BMPER: variants seen among roughly 807,000 people sequenced by gnomAD.
BMPER encodes the protein BMP binding endothelial regulator.
A neutral mutation model predicts 87.3 loss-of-function variants in BMPER; 45 were observed. The ratio of observed to expected loss-of-function variants is 0.52; its 90% CI spans 0.41 to 0.66. BMPER has a LOEUF of 0.66. Ranked by LOEUF, BMPER falls within the 30% of genes least tolerant of loss-of-function variation. The pLI, the probability that BMPER is intolerant of heterozygous loss-of-function variation, is 0.00. For synonymous variants in BMPER, 326 were observed against 316.2 expected, an observed-to-expected ratio of 1.03 and a Z score of -0.33; for missense variants, 784 against 867.5, an observed-to-expected ratio of 0.90 and a Z score of 1.21.
At chr7:34,094,109 C>T (rs893516770) in intron 13 of BMPER, among the ~76,000 whole-genome samples, 5 of 152,172 alleles carry the variant, frequency 3.3e-5, no homozygotes, top group East Asian at 3.9e-4. Context: ...ACTGTCCACT[C>T]GGGTTTTCAA....
chr7:34,045,653 G>A (rs1033490763), intron 6 of BMPER, among the ~76,000 whole-genome samples: 2 of 152,154 alleles, frequency 1.3e-5, no homozygotes, highest in Non-Finnish European at 2.9e-5. Context: ...TTTGGATAGC[G>A]TGGTGAATTC....
chr7:34,115,065 G>A (rs558982653), intron 13 of BMPER, among the ~76,000 whole-genome samples: 1 of 152,328 alleles, frequency 6.6e-6, no homozygotes, highest in African/African-American at 2.4e-5. Context: ...ACTCAAGAGT[G>A]AATTAAGTGC....
intron 6 of BMPER, among the ~76,000 whole-genome samples, chr7:34,029,434 G>A (rs887825726): frequency 1.3e-5 from 2 of 152,040 alleles, no homozygotes; most frequent in Admixed American, 1.3e-4. Context: ...ATGGAGGAGA[G>A]GCAAAAGGAA....
intron 6 of BMPER, among the ~76,000 whole-genome samples, chr7:33,985,428 T>C (rs918727690): frequency 6.6e-6 from 1 of 152,244 alleles, no homozygotes; most frequent in African/African-American, 2.4e-5. Flanking sequence ...ATTAACATTT[T>C]CAGTTTTTAC....
chr7:33,965,952 T>G (rs1785396211), intron 3 of BMPER, among the ~76,000 whole-genome samples: 1 of 152,220 alleles, frequency 6.6e-6, no homozygotes, highest in South Asian at 2.1e-4. Flanking sequence ...TTATAGCTCT[T>G]AGAATTGGAG....
intron 14 of BMPER, among the ~76,000 whole-genome samples, chr7:34,147,592 T>C (rs1791063708): frequency 6.6e-6 from 1 of 152,264 alleles, no homozygotes; most frequent in Non-Finnish European, 1.5e-5. Flanking sequence ...TGCCTCAGCC[T>C]CCCTAGTAGC....
At chr7:34,138,801 G>A (rs1466441818) in intron 13 of BMPER, among the ~76,000 whole-genome samples, 1 of 152,096 alleles carries the variant, frequency 6.6e-6, no homozygotes, top group African/African-American at 2.4e-5. Context: ...GAGCACACTG[G>A]GCAGCCGTGT....
At chr7:34,130,054 C>A (rs932202519) in intron 13 of BMPER, among the ~76,000 whole-genome samples, 1 of 151,606 alleles carries the variant, frequency 6.6e-6, no homozygotes, top group Non-Finnish European at 1.5e-5. Context: ...GTTCTTGACC[C>A]CCTCCTCTCC....
At chr7:34,122,306 C>T (rs921768549) in intron 13 of BMPER, among the ~76,000 whole-genome samples, 2 of 152,174 alleles carry the variant, frequency 1.3e-5, no homozygotes, top group African/African-American at 2.4e-5. Context: ...GCCGGTATTC[C>T]GCAAATCATA....
At chr7:34,070,412 ATTGTCT>A (rs1229448067) in intron 11 of BMPER, among the ~76,000 whole-genome samples, 1 of 151,900 alleles carries the variant, frequency 6.6e-6, no homozygotes, top group African/African-American at 2.4e-5. Context: ...GGTTTGCTTG[ATTGTCT>A]TTTTGTGATG....
intron 6 of BMPER, among the ~76,000 whole-genome samples, chr7:34,037,423 C>G (rs1327453727): frequency 6.6e-6 from 1 of 152,142 alleles, no homozygotes; most frequent in African/African-American, 2.4e-5. Context: ...GCTGAGGCCT[C>G]ACAGTGCCTG....
chr7:34,030,302 T>C (rs1327246671), intron 6 of BMPER, among the ~76,000 whole-genome samples: 6 of 152,078 alleles, frequency 3.9e-5, no homozygotes, highest in African/African-American at 1.4e-4. Flanking sequence ...AGTAGTAAAA[T>C]TGAAGTTGAT....
At chr7:34,031,916 A>G (rs1450542829) in intron 6 of BMPER, among the ~76,000 whole-genome samples, 1 of 127,150 alleles carries the variant, frequency 7.9e-6, no homozygotes, top group Non-Finnish European at 1.6e-5. Context: ...ATATATATAT[A>G]TATATATATA....
intron 14 of BMPER, among the ~76,000 whole-genome samples, chr7:34,145,544 G>C (rs143937417): frequency 6.6e-6 from 1 of 152,316 alleles, no homozygotes; most frequent in Non-Finnish European, 1.5e-5. Context: ...ATATGTGAGG[G>C]TGAGGTTTTT....
chr7:33,933,441 G>GTTT (rs3083764), intron 2 of BMPER, among the ~76,000 whole-genome samples: 52 of 128,392 alleles, frequency 4.1e-4, no homozygotes, highest in East Asian at 1.1e-3. Flanking sequence ...CATTGGTTAG[G>GTTT]TTTTTTTTTT....
At chr7:34,031,964 A>T (rs1787536632) in intron 6 of BMPER, among the ~76,000 whole-genome samples, 1 of 135,214 alleles carries the variant, frequency 7.4e-6, no homozygotes, top group East Asian at 2.1e-4. Context: ...ACACACACAT[A>T]TATATAAATA....
chr7:33,905,797 C>G (rs930862660), intron 1 of BMPER, 51 bp downstream of exon 1: 3 of 1,112,722 alleles, frequency 2.7e-6, no homozygotes, highest in African/African-American at 3.2e-5. Context: ...GGTTTGGTAC[C>G]TGGGAAAGGT....
At chr7:34,116,312 G>C (rs1477647008) in intron 13 of BMPER, among the ~76,000 whole-genome samples, 1 of 152,184 alleles carries the variant, frequency 6.6e-6, no homozygotes, top group Non-Finnish European at 1.5e-5. Context: ...CTTCCTTCTA[G>C]TATAGGTAGG....
At chr7:33,939,798 A>G (rs539632056) in intron 3 of BMPER, among the ~76,000 whole-genome samples, 46 of 152,302 alleles carry the variant, frequency 3.0e-4, no homozygotes, top group African/African-American at 1.1e-3. Context: ...CTGTGACGCA[A>G]TTAAATCTCT....
Sources: allele counts gnomAD v4.1 joint callset (sites outside exome capture counted in the v4.1 genomes callset), GRCh38; gene constraint gnomAD v4.1.1; transcripts MANE v1.5; gene names NCBI Gene and HGNC (gene_info 2026-07-23, HGNC 2026-07-21).